The following CORIN variants were observed in gnomAD, a reference collection of about 807,000 sequenced individuals.
CORIN encodes the protein atrial natriuretic peptide-converting enzyme.
In CORIN, 117 loss-of-function variants were observed where a neutral mutation model predicts 125.3. That is an observed-to-expected ratio of 0.93 (90% CI 0.80 to 1.09). CORIN has a LOEUF of 1.09. CORIN is among the 50% of genes least tolerant of loss of function. The pLI, the probability that CORIN is intolerant of heterozygous loss-of-function variation, is 0.00. For synonymous variants in CORIN, 450 were observed against 466.4 expected, an observed-to-expected ratio of 0.96 and a Z score of 0.45; for missense variants, 1,253 against 1,306.7, an observed-to-expected ratio of 0.96 and a Z score of 0.63.
At chr4:47,659,818 G>T (rs1365603447) in intron 12 of CORIN, among the ~76,000 whole-genome samples, 1 of 152,174 alleles carries the variant, frequency 6.6e-6, no homozygotes, top group Non-Finnish European at 1.5e-5. Flanking sequence ...TAATCCCAAT[G>T]ACATTCTTCA....
chr4:47,836,251 T>C (rs1357323873), intron 1 of CORIN, among the ~76,000 whole-genome samples: 1 of 151,998 alleles, frequency 6.6e-6, no homozygotes, highest in Non-Finnish European at 1.5e-5. Context: ...TAGCACAATC[T>C]CACACAACAA....
intron 19 of CORIN, among the ~76,000 whole-genome samples, chr4:47,618,778 G>A (rs534679804): frequency 4.6e-5 from 7 of 151,628 alleles, no homozygotes; most frequent in East Asian, 3.9e-4. Flanking sequence ...AAGATCGCGC[G>A]GCTGCACTCT....
At chr4:47,803,321 CCAAAGACATTCTT>C (rs1731626304) in intron 2 of CORIN, among the ~76,000 whole-genome samples, 1 of 152,120 alleles carries the variant, frequency 6.6e-6, no homozygotes, top group Non-Finnish European at 1.5e-5. Context: ...TATCCAAATA[CCAAAGACATTCTT>C]CATAGAAATA....
At chr4:47,635,805 C>T (rs1049584534) in intron 16 of CORIN, among the ~76,000 whole-genome samples, 3 of 152,148 alleles carry the variant, frequency 2.0e-5, no homozygotes, top group Admixed American at 6.5e-5. Context: ...GAAAAAGACA[C>T]CTTATCAGAA....
chr4:47,723,086 C>T (rs544698862), intron 5 of CORIN, among the ~76,000 whole-genome samples: 2 of 152,300 alleles, frequency 1.3e-5, no homozygotes, highest in Admixed American at 1.3e-4. Context: ...CCTGAGACAT[C>T]TCTTCTCCTG....
intron 19 of CORIN, among the ~76,000 whole-genome samples, chr4:47,619,491 A>G (rs1305449003): frequency 1.3e-5 from 2 of 152,220 alleles, no homozygotes; most frequent in African/African-American, 4.8e-5. Flanking sequence ...AATCAGGGTT[A>G]TTAGCCCACA....
intron 21 of CORIN, among the ~76,000 whole-genome samples, chr4:47,598,761 C>T (rs1721342673): frequency 6.6e-6 from 1 of 152,132 alleles, no homozygotes; most frequent in Admixed American, 6.6e-5. Flanking sequence ...AAAATAAAGA[C>T]ACTGCCATAT....
At position 47,637,232 on chromosome 4, in the gene CORIN, G is replaced by A. The variant is rs370383070; in HGVS notation, c.2198+4688C>T. Among the ~76,000 whole-genome samples the A allele has an allele frequency of 9.1e-4, 138 of 152,318 alleles. 1 individual carries two copies. The highest frequency in any genetic ancestry group is 3.2e-3 in the African/African-American group (131 of 41,566). Reference sequence around the variant, plus strand: ...GCAAAGCATTCAAGAGGTGACTTGGGTGCTGTTAAAGGCATTCATTTTCAT... The same window carrying A: ...GCAAAGCATTCAAGAGGTGACTTGGATGCTGTTAAAGGCATTCATTTTCAT... On this transcript the variant is annotated intron_variant, in intron 16 of 21. Coordinates refer to ENST00000273857, the MANE Select transcript of CORIN (RefSeq NM_006587.4).
At position 47,674,519 on chromosome 4, in the gene CORIN, GCA is replaced by G; in HGVS notation, c.1250-21_1250-20del. 6.8e-7 allele frequency: 1 copy of G among 1,466,710 alleles called. No individual in the cohort carries two copies. 90.9% of individuals were successfully genotyped at this position (1,466,710 alleles called of 1,614,324 possible). ...GTCTGAACTACAGAGGGAGGAAAAG[GCA>G]CATTGGCTTTCATCATCTACAAATT... On this transcript the variant is annotated intron_variant, in intron 9 of 21. Transcript: ENST00000273857.
chr4:47,796,559 G>T (rs1176626050), intron 2 of CORIN, among the ~76,000 whole-genome samples: 1 of 152,030 alleles, frequency 6.6e-6, no homozygotes, highest in East Asian at 1.9e-4. Context: ...TAAAAGGGCA[G>T]ATCTTATGCA....
intron 5 of CORIN, among the ~76,000 whole-genome samples, chr4:47,741,858 T>C (rs35978338): frequency 0.091 from 13,861 of 152,046 alleles, 769 homozygotes; most frequent in East Asian, 0.27. Flanking sequence ...AAAATAGTCA[T>C]GTTTATAGAA....
intron 16 of CORIN, among the ~76,000 whole-genome samples, chr4:47,628,437 CGTGTGT>C (rs35452886): frequency 0.014 from 2,076 of 147,444 alleles, 48 homozygotes; most frequent in African/African-American, 0.048. Flanking sequence ...CACATAGTTA[CGTGTGT>C]GTGTGTGTGT....
intron 13 of CORIN, among the ~76,000 whole-genome samples, chr4:47,653,053 T>C (rs1452758220): frequency 1.3e-5 from 2 of 152,228 alleles, no homozygotes; most frequent in Non-Finnish European, 2.9e-5. Context: ...TGGTTAAGCA[T>C]GGTCCAAAAA....
chr4:47,762,164 T>C (rs915124386), intron 4 of CORIN, among the ~76,000 whole-genome samples: 3 of 152,140 alleles, frequency 2.0e-5, no homozygotes, highest in Non-Finnish European at 4.4e-5. Flanking sequence ...GCTAAAATGA[T>C]GGATGTAAAG....
chr4:47,816,717 A>G (rs1732284839), intron 1 of CORIN, among the ~76,000 whole-genome samples: 1 of 152,146 alleles, frequency 6.6e-6, no homozygotes, highest in Non-Finnish European at 1.5e-5. Flanking sequence ...GGCCAAAGAG[A>G]AGCAATGTAA....
chr4:47,753,860 A>G (rs543284123), intron 4 of CORIN, among the ~76,000 whole-genome samples: 2 of 152,306 alleles, frequency 1.3e-5, no homozygotes, highest in East Asian at 3.9e-4. Flanking sequence ...AGATAACAGG[A>G]TTAAGAGATT....
intron 9 of CORIN, among the ~76,000 whole-genome samples, chr4:47,676,975 C>T (rs1244983539): frequency 6.6e-6 from 1 of 152,168 alleles, no homozygotes; most frequent in Admixed American, 6.5e-5. Context: ...AAAAGCTCTC[C>T]CTTTAGGTCT....
At chr4:47,777,555 C>T (rs1207111640) in intron 3 of CORIN, among the ~76,000 whole-genome samples, 1 of 152,146 alleles carries the variant, frequency 6.6e-6, no homozygotes. Flanking sequence ...CACTTGAACT[C>T]AGGAGGTGGA....
rs567190960 is a variant in CORIN, at chr4:47,611,964, C to G, written c.2541-8296G>C. ...TGATGTGCTGCTGGATTTGGTTTGC[C>G]AGTATTTTATTGAGGATTTCAACAT... On this transcript the variant is annotated intron_variant, in intron 19 of 21. Transcript: ENST00000273857. 5.9e-5 allele frequency among the ~76,000 whole-genome samples: 9 copies of G among 152,260 alleles called. No homozygotes were observed. The South Asian group carries it at 1.9e-3, about 32-fold the overall frequency.
Sources: allele counts gnomAD v4.1 joint callset (sites outside exome capture counted in the v4.1 genomes callset), GRCh38; gene constraint gnomAD v4.1.1; transcripts MANE v1.5; gene names NCBI Gene and HGNC (gene_info 2026-07-23, HGNC 2026-07-21).